The following MAP7 variants were observed in gnomAD, a reference collection of about 807,000 sequenced individuals.
MAP7 encodes the protein microtubule associated protein 7.
MAP7 carries 52 observed loss-of-function variants against 94.8 expected under a neutral mutation model. That is an observed-to-expected ratio of 0.55 (90% CI 0.44 to 0.69). The LOEUF (loss-of-function observed/expected upper bound fraction) is 0.69. MAP7 is among the 30% of genes least tolerant of loss of function. The pLI is 0.00. For synonymous variants in MAP7, 350 were observed against 357.0 expected, an observed-to-expected ratio of 0.98 and a Z score of 0.22; for missense variants, 940 against 964.6, an observed-to-expected ratio of 0.97 and a Z score of 0.34.
At chr6:136,507,238 G>A (rs986879681) in intron 1 of MAP7, among the ~76,000 whole-genome samples, 1 of 151,836 alleles carries the variant, frequency 6.6e-6, no homozygotes, top group African/African-American at 2.4e-5. Context: ...TCTCAATGGA[G>A]GGCTTAAAGG....
intron 1 of MAP7, among the ~76,000 whole-genome samples, chr6:136,469,348 T>G (rs1371129094): frequency 6.7e-6 from 1 of 150,112 alleles, no homozygotes; most frequent in Non-Finnish European, 1.5e-5. Flanking sequence ...ACTTTCTTTC[T>G]TGCTTGCTTG....
chr6:136,503,326 A>C (rs1820356225), intron 1 of MAP7, among the ~76,000 whole-genome samples: 1 of 151,938 alleles, frequency 6.6e-6, no homozygotes, highest in South Asian at 2.1e-4. Flanking sequence ...AAGAAGAGAA[A>C]ACCAAAGGCT....
chr6:136,420,842 A>G (rs112546495), intron 2 of MAP7, among the ~76,000 whole-genome samples: 144 of 152,246 alleles, frequency 9.5e-4, no homozygotes, highest in African/African-American at 3.4e-3. Flanking sequence ...ACAAAACTAA[A>G]CACACTAGAA....
At chr6:136,530,389 C>T (rs1432277151) in intron 1 of MAP7, among the ~76,000 whole-genome samples, 3 of 152,140 alleles carry the variant, frequency 2.0e-5, no homozygotes, top group East Asian at 1.9e-4. Flanking sequence ...TCAAAACTAC[C>T]GGACTTCAGC....
At chr6:136,440,709 C>G (rs956256181) in intron 1 of MAP7, among the ~76,000 whole-genome samples, 1 of 151,734 alleles carries the variant, frequency 6.6e-6, no homozygotes, top group Non-Finnish European at 1.5e-5. Context: ...GAATTAAGAT[C>G]TAAGAATTAT....
rs150908091 is a variant in MAP7, at chr6:136,478,399, A to C, written c.68-56600T>G. On this transcript the variant is annotated intron_variant, in intron 1 of 17. Coordinates refer to ENST00000354570, the MANE Select transcript of MAP7 (RefSeq NM_003980.6). Reference sequence around the variant, plus strand: ...GGAGTTCAAGACCAGCCTGGGCAAGACAGCAAGACCCTGTCTGTACCAAAA... The same window carrying C: ...GGAGTTCAAGACCAGCCTGGGCAAGCCAGCAAGACCCTGTCTGTACCAAAA... Among the ~76,000 whole-genome samples, 76 of 152,268 alleles carry C rather than the reference A, an allele frequency of 5.0e-4. No individual in the cohort carries two copies. In the East Asian group the frequency reaches 0.013, roughly 26 times the overall value.
At chr6:136,512,243 G>A (rs781243191) in intron 1 of MAP7, among the ~76,000 whole-genome samples, 1 of 152,224 alleles carries the variant, frequency 6.6e-6, no homozygotes, top group East Asian at 1.9e-4. Flanking sequence ...GTTATCTTAT[G>A]AGGAACCAGA....
At chr6:136,513,356 G>T (rs1823809711) in intron 1 of MAP7, among the ~76,000 whole-genome samples, 1 of 152,184 alleles carries the variant, frequency 6.6e-6, no homozygotes, top group Admixed American at 6.5e-5. Context: ...TTTCAACAAT[G>T]TTCACAGCGT....
intron 17 of MAP7, among the ~76,000 whole-genome samples, chr6:136,345,426 T>C (rs189616225): frequency 1.3e-5 from 2 of 152,344 alleles, no homozygotes; most frequent in East Asian, 3.9e-4. Context: ...GAGAACATGA[T>C]GGCAGTCTTC....
chr6:136,372,715 C>T (rs1430619895), intron 7 of MAP7, 90 bp from the exon 8 acceptor site: 6 of 1,561,626 alleles, frequency 3.8e-6, no homozygotes, highest in Non-Finnish European at 5.3e-6. Flanking sequence ...AAGCCAAAAG[C>T]AGGTTCAGGA....
rs1043058644 is a variant in MAP7 at position 136,345,970 on chromosome 6, C to T, written c.2125G>A (p.Val709Ile). ...ATTTCTGGGCTCTCACTGTTGGTGA[C>T]ATCTAATCTGGATGGTTTAGATCCA... Reference protein sequence around the residue: ...PIGSKPSRLDVTNSESPEIPL... With the variant: ...PIGSKPSRLDITNSESPEIPL... Residue 709 changes from valine (V) to isoleucine (I), a missense_variant, in exon 17 of 18, where the codon GTC becomes ATC. Physicochemically the swap from Val to Ile is conservative, Grantham distance 29. Transcript: ENST00000354570. 49 of 1,613,354 alleles carry T rather than the reference C, an allele frequency of 3.0e-5. No homozygotes were observed. The highest frequency in any genetic ancestry group is 4.0e-5 in the Non-Finnish European group (47 of 1,179,410).
At chr6:136,354,115 T>C (rs1790063241) in intron 16 of MAP7, among the ~76,000 whole-genome samples, 1 of 54,172 alleles carries the variant, frequency 1.8e-5, no homozygotes, top group South Asian at 6.9e-4. Context: ...ACTATATATA[T>C]ATATATATTA....
At chr6:136,358,715 A>T (rs1791675035) in intron 15 of MAP7, among the ~76,000 whole-genome samples, 1 of 152,344 alleles carries the variant, frequency 6.6e-6, no homozygotes, top group African/African-American at 2.4e-5. Context: ...CAGAAAAAGA[A>T]AACTGCAGTA....
intron 3 of MAP7, among the ~76,000 whole-genome samples, chr6:136,409,452 T>C (rs1245457856): frequency 2.6e-5 from 4 of 152,228 alleles, no homozygotes; most frequent in Non-Finnish European, 5.9e-5. Context: ...CCAAAAAAGT[T>C]AAGCTGTAAT....
At chr6:136,359,758 C>T (rs1791989773) in intron 15 of MAP7, 62 bp downstream of exon 15, 3 of 1,468,448 alleles carry the variant, frequency 2.0e-6, no homozygotes, top group East Asian at 2.3e-5. Context: ...ATATCTTCAC[C>T]CCTGGAGAGT....
chr6:136,343,883 T>G lies in MAP7; in HGVS notation c.*345A>C, dbSNP rs528262170. On this transcript the variant is annotated 3_prime_UTR_variant, in exon 18 of 18. Transcript: ENST00000354570. ...TTTGCCAATTTTACATGTTAAGCTTTTAAGACCAAAAAAATCATGCCTAGT... is the reference window on the plus strand; with the variant it reads ...TTTGCCAATTTTACATGTTAAGCTTGTAAGACCAAAAAAATCATGCCTAGT... 6.9e-4 allele frequency: 120 copies of G among 172,874 alleles called. No individual in the cohort carries two copies. Among genetic ancestry groups the G allele is most frequent in the Admixed American group, 1.5e-3 (24 of 15,962 alleles). The allele number at this position is 172,874 out of a possible 1,614,324, so 10.7% of individuals were successfully genotyped here. A position where few individuals can be genotyped will look rare whatever the true frequency, so the allele number is the denominator to read the frequency against.
chr6:136,503,611 G>A (rs1377484581), intron 1 of MAP7, among the ~76,000 whole-genome samples: 2 of 151,894 alleles, frequency 1.3e-5, no homozygotes, highest in African/African-American at 4.8e-5. Context: ...TCCCCTAAGG[G>A]GAAAAAAACC....
chr6:136,540,001 G>C (rs1468514586), intron 1 of MAP7, among the ~76,000 whole-genome samples: 1 of 152,122 alleles, frequency 6.6e-6, no homozygotes, highest in Non-Finnish European at 1.5e-5. Flanking sequence ...AGAAGTGCCT[G>C]TAGACATTTC....
At chr6:136,438,839 TC>T (rs1562400679) in intron 1 of MAP7, among the ~76,000 whole-genome samples, 1 of 151,568 alleles carries the variant, frequency 6.6e-6, no homozygotes, top group South Asian at 2.1e-4. Flanking sequence ...TCACCTCCCT[TC>T]CCCCCAACCC....
Sources: gnomAD v4.1 joint callset for allele counts (sites outside exome capture counted in the v4.1 genomes callset) on GRCh38, gnomAD v4.1.1 for gene constraint, MANE v1.5 for transcripts, NCBI Gene and HGNC (gene_info 2026-07-23, HGNC 2026-07-21) for gene names.